The following EPS8 variants were observed in gnomAD, a reference collection of about 807,000 sequenced individuals.
EPS8 encodes epidermal growth factor receptor kinase substrate 8.
Under a neutral mutation model 103.8 loss-of-function variants are expected in EPS8, and 42 were observed. The ratio of observed to expected loss-of-function variants is 0.40; its 90% CI spans 0.32 to 0.52. The LOEUF is 0.52. Among genes scored for constraint, EPS8 ranks in the 20% least tolerant of loss-of-function variants. The pLI is 0.40. For missense variants in EPS8, 969 were observed against 1,005.1 expected (o/e 0.96, Z 0.49); for synonymous variants, 344 against 344.6 (o/e 1.00, Z 0.02).
At chr12:15,633,605 C>T (rs1212130734) in intron 17 of EPS8, among the ~76,000 whole-genome samples, 1 of 152,188 alleles carries the variant, frequency 6.6e-6, no homozygotes, top group Non-Finnish European at 1.5e-5. Context: ...GCCATTGTTA[C>T]ATAATGCAAC....
At chr12:15,662,499 A>T in intron 8 of EPS8, 4 of 993,814 alleles carry the variant, frequency 4.0e-6, no homozygotes, top group Non-Finnish European at 4.8e-6. Context: ...ACAGAGCTAT[A>T]ATTTTTATAC....
At chr12:15,622,336 T>C (rs537300603) in intron 20 of EPS8, among the ~76,000 whole-genome samples, 2 of 152,184 alleles carry the variant, frequency 1.3e-5, no homozygotes, top group African/African-American at 4.8e-5. Flanking sequence ...CCAAGGGAAA[T>C]ATGGTTTCTC....
At chr12:15,691,528 A>G (rs1946171961) in intron 1 of EPS8, among the ~76,000 whole-genome samples, 1 of 152,158 alleles carries the variant, frequency 6.6e-6, no homozygotes, top group Admixed American at 6.5e-5. Context: ...TGGAAGCGGG[A>G]GACATTCGGT....
chr12:15,693,577 T>A lies in EPS8; in HGVS notation c.-21-10605A>T, dbSNP rs1946203002. Among the ~76,000 whole-genome samples, 1 of 152,226 alleles carries A rather than the reference T, an allele frequency of 6.6e-6. No individual in the cohort carries two copies. The highest frequency in any genetic ancestry group is 2.1e-4 in the South Asian group (1 of 4,832). ...GTTTCAGCATGTAAGGACTTCTAGGTTAATCACAATTATCCACAGGCTTTA... is the reference window on the plus strand; with the variant it reads ...GTTTCAGCATGTAAGGACTTCTAGGATAATCACAATTATCCACAGGCTTTA... On this transcript the variant is annotated intron_variant, in intron 1 of 20. Coordinates refer to ENST00000281172, the MANE Select transcript of EPS8 (RefSeq NM_004447.6). The surrounding 1 kb of genome is among the most constrained non-coding windows in gnomAD (Gnocchi z 5.6).
intron 3 of EPS8, among the ~76,000 whole-genome samples, chr12:15,678,201 T>A (rs1352776804): frequency 1.3e-5 from 2 of 152,126 alleles, no homozygotes; most frequent in Admixed American, 6.5e-5. Context: ...AATCTGTTTA[T>A]TGCAAAGCTA....
intron 1 of EPS8, among the ~76,000 whole-genome samples, chr12:15,692,931 A>G (rs1946194529): frequency 6.6e-6 from 1 of 152,148 alleles, no homozygotes; most frequent in African/African-American, 2.4e-5. Flanking sequence ...ATCCATGATA[A>G]TATTTTTAAG....
At position 15,734,421 on chromosome 12, in the gene EPS8, A is replaced by G. The variant is rs114901901; in HGVS notation, c.-21-51449T>C. On this transcript the variant is annotated intron_variant, in intron 1 of 20. Transcript: ENST00000281172. This position sits in a 1 kb window ranked among gnomAD's most constrained non-coding sequence, Gnocchi z 4.1. ...TTAAAAAGATTCTCTGTGGTTGGGC[A>G]CGGTGGCTCACACCTGTAATCCCAG... 2.2e-4 allele frequency among the ~76,000 whole-genome samples: 34 copies of G among 152,246 alleles called. No homozygotes were observed. Among genetic ancestry groups the G allele is most frequent in the African/African-American group, 8.2e-4 (34 of 41,562 alleles).
At position 15,706,472 on chromosome 12, in the gene EPS8, A is replaced by G. The variant is rs1025165912; in HGVS notation, c.-21-23500T>C. Among the ~76,000 whole-genome samples, 1 of 152,146 alleles carries G rather than the reference A, an allele frequency of 6.6e-6. No homozygotes were observed. Among genetic ancestry groups the G allele is most frequent in the Non-Finnish European group, 1.5e-5 (1 of 68,028 alleles). On this transcript the variant is annotated intron_variant, in intron 1 of 20. Coordinates refer to ENST00000281172, the MANE Select transcript of EPS8 (RefSeq NM_004447.6). This position sits in a 1 kb window ranked among gnomAD's most constrained non-coding sequence, Gnocchi z 5.2. Reference sequence around the variant, plus strand: ...TTGGGAAACCATTCCCTGACTCCCAATCTATCCTAGATTTCTACATTACAT... The same window carrying G: ...TTGGGAAACCATTCCCTGACTCCCAGTCTATCCTAGATTTCTACATTACAT...
Position 15,685,149 on chromosome 12 carries a change from A to G in EPS8, c.-21-2177T>C, listed in dbSNP as rs142923130. 2.8e-3 allele frequency among the ~76,000 whole-genome samples: 426 copies of G among 152,354 alleles called. 2 individuals carry two copies. Among genetic ancestry groups the G allele is most frequent in the African/African-American group, 1.0e-2 (414 of 41,588 alleles). On this transcript the variant is annotated intron_variant, in intron 1 of 20. Coordinates refer to ENST00000281172, the MANE Select transcript of EPS8 (RefSeq NM_004447.6). ...ATTGCTACGTTCTATAATTTGGGCC[A>G]GAACAGAGGCCTGGAATAACATTAT... is the stretch of plus-strand genomic sequence containing the variant.
At chr12:15,667,938 T>C (rs971191562) in intron 6 of EPS8, among the ~76,000 whole-genome samples, 1 of 152,094 alleles carries the variant, frequency 6.6e-6, no homozygotes, top group Non-Finnish European at 1.5e-5. Flanking sequence ...AAACCTAAAA[T>C]CCAGAAACTT....
At chr12:15,646,846 C>T (rs879445208) in intron 15 of EPS8, among the ~76,000 whole-genome samples, 5 of 152,226 alleles carry the variant, frequency 3.3e-5, no homozygotes, top group Non-Finnish European at 5.9e-5. Context: ...GGTTTCAAGA[C>T]AATTCTTTCT....
At chr12:15,622,273 T>C (rs1178383429) in intron 20 of EPS8, among the ~76,000 whole-genome samples, 1 of 152,182 alleles carries the variant, frequency 6.6e-6, no homozygotes, top group African/African-American at 2.4e-5. Context: ...TGGAAAGCAA[T>C]CAAATCAAAC....
intron 17 of EPS8, among the ~76,000 whole-genome samples, chr12:15,633,964 C>T (rs1189555196): frequency 1.3e-5 from 2 of 152,188 alleles, no homozygotes; most frequent in Non-Finnish European, 2.9e-5. Flanking sequence ...ACTGTTCTTC[C>T]TTTCCTTATG....
rs559932155 is a variant in EPS8, at chr12:15,691,398, A to G, written c.-21-8426T>C. On this transcript the variant is annotated intron_variant, in intron 1 of 20. Coordinates refer to ENST00000281172, the MANE Select transcript of EPS8 (RefSeq NM_004447.6). ...TCTACCAATAAAAAAAAATTAACAA[A>G]AAAGAAAGATAATGACTTTTAGAAA... 2.6e-5 allele frequency among the ~76,000 whole-genome samples: 4 copies of G among 152,204 alleles called. No homozygotes were observed. The East Asian group carries it at 7.7e-4, about 29-fold the overall frequency.
At chr12:15,667,730 G>A (rs865998694) in intron 6 of EPS8, among the ~76,000 whole-genome samples, 15 of 152,056 alleles carry the variant, frequency 9.9e-5, no homozygotes, top group African/African-American at 1.2e-4. Flanking sequence ...AAGAAACTGC[G>A]TTTTTCATTG....
At chr12:15,663,654 G>A (rs1395142959) in intron 8 of EPS8, among the ~76,000 whole-genome samples, 1 of 152,020 alleles carries the variant, frequency 6.6e-6, no homozygotes, top group African/African-American at 2.4e-5. Context: ...GCAGGGCATG[G>A]TGGCTCACGC....
In EPS8 at chr12:15,693,732, G is replaced by A. The variant is rs538093566; in HGVS notation, c.-21-10760C>T. Among the ~76,000 whole-genome samples, 18 of 152,284 alleles carry A rather than the reference G, an allele frequency of 1.2e-4. No individual in the cohort carries two copies. The highest frequency in any genetic ancestry group is 3.8e-4 in the African/African-American group (16 of 41,568). On this transcript the variant is annotated intron_variant, in intron 1 of 20. Coordinates refer to ENST00000281172, the MANE Select transcript of EPS8 (RefSeq NM_004447.6). This position sits in a 1 kb window ranked among gnomAD's most constrained non-coding sequence, Gnocchi z 5.6. ...CAGCCATAAAAAGGAATGAAAACATGTCCTTTGCAGGGACGTGGATGAAGC... is the reference window on the plus strand; with the variant it reads ...CAGCCATAAAAAGGAATGAAAACATATCCTTTGCAGGGACGTGGATGAAGC...
At chr12:15,648,810 C>G (rs760355278) in intron 14 of EPS8, among the ~76,000 whole-genome samples, 1 of 152,114 alleles carries the variant, frequency 6.6e-6, no homozygotes, top group Non-Finnish European at 1.5e-5. Flanking sequence ...CCAAAGTTTG[C>G]TTAGGGTTCA....
In EPS8 at chr12:15,735,199, C is replaced by T. The variant is rs1236629534; in HGVS notation, c.-21-52227G>A. ...AAATGAAAATAAGCTCCAATTCTTACGTTTCTACTTTAGTCCAATGAAGGC... is the reference window on the plus strand; with the variant it reads ...AAATGAAAATAAGCTCCAATTCTTATGTTTCTACTTTAGTCCAATGAAGGC... On this transcript the variant is annotated intron_variant, in intron 1 of 20. Coordinates refer to ENST00000281172, the MANE Select transcript of EPS8 (RefSeq NM_004447.6). This position sits in a 1 kb window ranked among gnomAD's most constrained non-coding sequence, Gnocchi z 4.4. Among the ~76,000 whole-genome samples the T allele has an allele frequency of 6.6e-6, 1 of 152,234 alleles. No homozygotes were observed. The highest frequency in any genetic ancestry group is 1.5e-5 in the Non-Finnish European group (1 of 68,012).
Sources: gnomAD v4.1 joint callset for allele counts (sites outside exome capture counted in the v4.1 genomes callset) on GRCh38, gnomAD v4.1.1 for gene constraint, Gnocchi (gnomAD v3.1) non-coding constraint, MANE v1.5 for transcripts, NCBI Gene and HGNC (gene_info 2026-07-23, HGNC 2026-07-21) for gene names.